Variants in GRK3 observed in about 807,000 individuals in gnomAD.
GRK3 encodes adrenergic, beta, receptor kinase 2.
Under a neutral mutation model 95.7 loss-of-function variants are expected in GRK3, and 54 were observed. The observed-to-expected ratio is 0.56, with a 90% CI of 0.45 to 0.71. The LOEUF (loss-of-function observed/expected upper bound fraction) is 0.71. Among genes scored for constraint, GRK3 ranks in the 30% least tolerant of loss-of-function variants. The pLI, the probability that GRK3 is intolerant of heterozygous loss-of-function variation, is 0.00. For synonymous variants in GRK3, 281 were observed against 290.8 expected (o/e 0.97, Z 0.34); for missense variants, 649 against 851.2 (o/e 0.76, Z 2.96).
chr22:25,639,828 TC>T (rs1258960552), intron 2 of GRK3, among the ~76,000 whole-genome samples: 2 of 152,200 alleles, frequency 1.3e-5, no homozygotes, highest in African/African-American at 4.8e-5. Flanking sequence ...ATTTAGATCT[TC>T]TTTAATTTCT....
At chr22:25,571,318 T>C (rs1374962206) in intron 1 of GRK3, among the ~76,000 whole-genome samples, 2 of 152,226 alleles carry the variant, frequency 1.3e-5, no homozygotes, top group Non-Finnish European at 2.9e-5. Flanking sequence ...GGAAGTCACT[T>C]AAATTTGCTG....
intron 11 of GRK3, among the ~76,000 whole-genome samples, chr22:25,688,766 C>T (rs191841688): frequency 3.3e-5 from 5 of 152,296 alleles, no homozygotes; most frequent in Admixed American, 3.3e-4. Flanking sequence ...GTGACACTCA[C>T]CTAGTTGTAT....
chr22:25,672,240 G>A, intron 6 of GRK3, 56 bp from the exon 7 acceptor site: 1 of 899,892 alleles, frequency 1.1e-6, no homozygotes. Context: ...GTGTTGTTTT[G>A]TAAATCCAGT....
intron 10 of GRK3, 22 bp from the exon 11 acceptor site, chr22:25,687,515 T>G (rs779997145): frequency 1.2e-6 from 2 of 1,611,616 alleles, no homozygotes; most frequent in Non-Finnish European, 1.7e-6. Flanking sequence ...TGCTTTGAAT[T>G]AAATTCTGAA....
intron 2 of GRK3, among the ~76,000 whole-genome samples, chr22:25,622,232 G>A (rs2084591525): frequency 6.6e-6 from 1 of 152,188 alleles, no homozygotes; most frequent in African/African-American, 2.4e-5. Flanking sequence ...AGAGAAGTGA[G>A]TTGGTAGAAC....
At chr22:25,664,710 G>A (rs1179001058) in intron 5 of GRK3, among the ~76,000 whole-genome samples, 1 of 151,840 alleles carries the variant, frequency 6.6e-6, no homozygotes, top group Non-Finnish European at 1.5e-5. Context: ...TAGTAGAGAC[G>A]GGGTTTCATT....
At chr22:25,663,830 G>A (rs1263203431) in intron 5 of GRK3, 126 bp downstream of exon 5, 3 of 645,898 alleles carry the variant, frequency 4.6e-6, no homozygotes, top group African/African-American at 3.7e-5. Flanking sequence ...CTATTCTGGA[G>A]CTTTGTCTGG....
At chr22:25,571,241 G>A (rs1931691809) in intron 1 of GRK3, among the ~76,000 whole-genome samples, 3 of 152,202 alleles carry the variant, frequency 2.0e-5, no homozygotes, top group Admixed American at 1.3e-4. Flanking sequence ...TCATAGAAGA[G>A]AAGGTTCTAA....
At position 25,709,334 on chromosome 22, in the gene GRK3, G is replaced by A. The variant is rs533683822; in HGVS notation, c.1329-564G>A. Among the ~76,000 whole-genome samples the A allele has an allele frequency of 1.4e-4, 21 of 152,242 alleles. No homozygotes were observed. In the East Asian group the frequency reaches 3.7e-3, roughly 27 times the overall value. ...TTACAGGCGTGAGCCACCACACCCG[G>A]CTAATTTTTTTGTATTTTTAGTAGA... On this transcript the variant is annotated intron_variant, in intron 15 of 20. Coordinates refer to ENST00000324198, the MANE Select transcript of GRK3 (RefSeq NM_005160.4).
chr22:25,699,738 G>A (rs550686547), intron 13 of GRK3, among the ~76,000 whole-genome samples: 68 of 140,878 alleles, frequency 4.8e-4, no homozygotes, highest in Non-Finnish European at 6.5e-4. Context: ...TCGCTCTGTC[G>A]CCCAGGCTGG....
rs564529779 is a variant in GRK3, at chr22:25,586,703, A to G, written c.114-17674A>G. On this transcript the variant is annotated intron_variant, in intron 1 of 20. Coordinates refer to ENST00000324198, the MANE Select transcript of GRK3 (RefSeq NM_005160.4). ...GATTTTCATGTGAAAAGGAAAGGGC[A>G]TTAGAGGGAATGGTATTTACAGAGT... Among the ~76,000 whole-genome samples, 3 of 152,376 alleles carry G rather than the reference A, an allele frequency of 2.0e-5. No homozygotes were observed. In the East Asian group the frequency reaches 5.8e-4, roughly 29 times the overall value.
rs150298172 is a variant in GRK3 at position 25,688,205 on chromosome 22, C to A, written c.957+538C>A. Among the ~76,000 whole-genome samples the A allele has an allele frequency of 5.6e-3, 798 of 141,716 alleles. 6 individuals carry two copies. Among genetic ancestry groups the A allele is most frequent in the African/African-American group, 0.019 (716 of 38,066 alleles). 93.0% of individuals were successfully genotyped at this position (141,716 alleles called of 152,430 possible). On this transcript the variant is annotated intron_variant, in intron 11 of 20. Coordinates refer to ENST00000324198, the MANE Select transcript of GRK3 (RefSeq NM_005160.4). ...GAGCTGAGATTGCACCACTGCACTC[C>A]AGCCTGGACAACAGAGCAAGACTCT...
chr22:25,659,646 T>A (rs1196525465), intron 3 of GRK3, among the ~76,000 whole-genome samples: 1 of 152,208 alleles, frequency 6.6e-6, no homozygotes, highest in South Asian at 2.1e-4. Flanking sequence ...TATGCTGCAA[T>A]AGGATGTTTG....
chr22:25,661,709 T>C, intron 4 of GRK3, 32 bp downstream of exon 4: 1 of 1,325,994 alleles, frequency 7.5e-7, no homozygotes, highest in Non-Finnish European at 1.1e-6. Flanking sequence ...GTTACTTTAG[T>C]ACTGATGAAT....
chr22:25,653,213 T>G (rs1569180809), intron 3 of GRK3, among the ~76,000 whole-genome samples: 1 of 152,202 alleles, frequency 6.6e-6, no homozygotes, highest in Non-Finnish European at 1.5e-5. Flanking sequence ...AGTAATTACA[T>G]TTCATGTAAA....
chr22:25,654,216 CTA>C (rs539806966), intron 3 of GRK3, among the ~76,000 whole-genome samples: 95 of 151,978 alleles, frequency 6.3e-4, no homozygotes, highest in Non-Finnish European at 1.2e-3. Context: ...AAATTAGAAA[CTA>C]TTTTTAATGA....
chr22:25,632,253 A>G (rs2146369180), intron 2 of GRK3, among the ~76,000 whole-genome samples: 1 of 152,222 alleles, frequency 6.6e-6, no homozygotes, highest in East Asian at 1.9e-4. Flanking sequence ...AGTATATAGG[A>G]TTATCTTATT....
At chr22:25,623,552 T>C (rs1171380512) in intron 2 of GRK3, among the ~76,000 whole-genome samples, 1 of 152,212 alleles carries the variant, frequency 6.6e-6, no homozygotes, top group African/African-American at 2.4e-5. Context: ...TGTGTTGCCC[T>C]TGCCTCTACC....
chr22:25,716,332 G>A (rs2146470839), intron 18 of GRK3, among the ~76,000 whole-genome samples: 1 of 152,272 alleles, frequency 6.6e-6, no homozygotes, highest in South Asian at 2.1e-4. Context: ...TCACACTGGG[G>A]TGTGTTTGCC....
Sources: gnomAD v4.1 joint callset for allele counts (sites outside exome capture counted in the v4.1 genomes callset) on GRCh38, gnomAD v4.1.1 for gene constraint, MANE v1.5 for transcripts, NCBI Gene and HGNC (gene_info 2026-07-23, HGNC 2026-07-21) for gene names.